VSX2: variants seen among roughly 807,000 people sequenced by gnomAD.
VSX2 encodes visual system homeobox 2.
In VSX2, 28 loss-of-function variants were observed where a neutral mutation model predicts 32.1. The ratio of observed to expected loss-of-function variants is 0.87; its 90% confidence interval spans 0.65 to 1.20. The LOEUF is 1.20. Ranked by LOEUF, VSX2 falls within the 50% of genes most tolerant of loss-of-function variation. The pLI is 0.00. For synonymous variants in VSX2, 243 were observed against 214.1 expected (o/e 1.14, Z -1.18); for missense variants, 506 against 488.7 (o/e 1.04, Z -0.33).
chr14:74,251,276 C>T (rs568514124), intron 3 of VSX2, among the ~76,000 whole-genome samples: 85 of 152,124 alleles, frequency 5.6e-4, no homozygotes, highest in Non-Finnish European at 5.3e-4. Context: ...ATGGTGAAAC[C>T]CCGTCTCTAC....
At chr14:74,240,115 G>T (rs989117861) in intron 1 of VSX2, among the ~76,000 whole-genome samples, 184 bp downstream of exon 1, 3 of 152,228 alleles carry the variant, frequency 2.0e-5, no homozygotes, top group Non-Finnish European at 4.4e-5. Context: ...TTCGGCGTCC[G>T]CAGGGTTTCG....
intron 3 of VSX2, among the ~76,000 whole-genome samples, chr14:74,250,360 C>G (rs1217653475): frequency 6.6e-6 from 1 of 151,970 alleles, no homozygotes; most frequent in Non-Finnish European, 1.5e-5. Context: ...TGAGGGGTCA[C>G]TTGTTACTAG....
chr14:74,258,902 C>T (rs1273284128), intron 3 of VSX2, among the ~76,000 whole-genome samples: 1 of 152,220 alleles, frequency 6.6e-6, no homozygotes, highest in Non-Finnish European at 1.5e-5. Context: ...ATGTTATCTT[C>T]ATCCCTGGTC....
intron 3 of VSX2, among the ~76,000 whole-genome samples, chr14:74,248,345 A>ACAAC (rs1255850484): frequency 1.4e-5 from 2 of 139,388 alleles, no homozygotes; most frequent in African/African-American, 5.2e-5. Flanking sequence ...AAAAAAAAAA[A>ACAAC]AAAAAACAAA....
chr14:74,247,935 A>G (rs1279944594), intron 3 of VSX2, among the ~76,000 whole-genome samples: 1 of 152,000 alleles, frequency 6.6e-6, no homozygotes, highest in Non-Finnish European at 1.5e-5. Context: ...TGTGTCTTTC[A>G]TTTCCTCACA....
intron 3 of VSX2, among the ~76,000 whole-genome samples, chr14:74,247,517 T>TTATTAAGTCC (rs1338648991): frequency 6.6e-6 from 1 of 152,222 alleles, no homozygotes; most frequent in Non-Finnish European, 1.5e-5. Flanking sequence ...AGATCTGATC[T>TTATTAAGTCC]TATTAAGTCC....
rs778469695 is a variant in VSX2, at chr14:74,260,874, G to T, written c.1041G>T (p.Arg347Ser). ...PEEEEAMDED[R>S]PAERLSPPQL... ...AGGAGGAGGCCATGGATGAAGACAG[G>T]CCGGCGGAGAGGCTCAGTCCACCGC... Residue 347 changes from arginine to serine, a missense_variant, in exon 5 of 5, where the codon AGG becomes AGT. Arg to Ser is a moderately radical substitution (Grantham distance 110). Transcript: ENST00000261980. 3.8e-6 allele frequency: 6 copies of T among 1,567,382 alleles called. No homozygotes were observed. The Admixed American group carries it at 1.1e-4, about 30-fold the overall frequency.
chr14:74,261,110 C>T lies in VSX2; in HGVS notation c.*191C>T, dbSNP rs2079304513. On this transcript the variant is annotated 3_prime_UTR_variant, in exon 5 of 5. Coordinates refer to ENST00000261980, the MANE Select transcript of VSX2 (RefSeq NM_182894.3). ...GACTCTGGACCATGCTGAGACATCC[C>T]TCATCTAGTCTTGACCTCTCCAGCA... 3.1e-6 allele frequency: 2 copies of T among 643,852 alleles called. No homozygotes were observed. The highest frequency in any genetic ancestry group is 5.5e-5 in the East Asian group (2 of 36,290). 39.9% of individuals were successfully genotyped at this position (643,852 alleles called of 1,614,324 possible).
chr14:74,260,481 G>T (rs1243304550), intron 4 of VSX2, 113 bp from the exon 5 acceptor site: 2 of 1,116,976 alleles, frequency 1.8e-6, no homozygotes, highest in Non-Finnish European at 2.7e-6. Context: ...GGTGTGGGGA[G>T]TAAGGCTTTC....
At chr14:74,254,360 A>G (rs10138236) in intron 3 of VSX2, among the ~76,000 whole-genome samples, 94,374 of 151,902 alleles carry the variant, frequency 0.62, 31,832 homozygotes, top group East Asian at 0.93. Flanking sequence ...GCAGTGAGCC[A>G]AGATCACGCC....
rs1281611533 is a variant in VSX2 at position 74,260,909 on chromosome 14, A to G, written c.1076A>G (p.Asp359Gly). Residue 359 changes from aspartate (D) to glycine (G), a missense_variant, in exon 5 of 5, where the codon GAC becomes GGC. By Grantham distance (94) the Asp-to-Gly change is moderately conservative. Coordinates refer to ENST00000261980, the MANE Select transcript of VSX2 (RefSeq NM_182894.3). ...AERLSPPQLE[D>G]MA ...AGGCTCAGTCCACCGCAGCTGGAGG[A>G]CATGGCTTAGGTCAAGGCGCGCTCA... 1 of 1,558,950 alleles carries G rather than the reference A, an allele frequency of 6.4e-7. No individual in the cohort carries two copies. Among genetic ancestry groups the G allele is most frequent in the Non-Finnish European group, 8.7e-7 (1 of 1,152,244 alleles).
chr14:74,253,054 A>G (rs934795582), intron 3 of VSX2, among the ~76,000 whole-genome samples: 1 of 151,278 alleles, frequency 6.6e-6, no homozygotes, highest in Non-Finnish European at 1.5e-5. Context: ...ATCTCAAAAA[A>G]AAAAAAAAAA....
At chr14:74,253,064 A>AT (rs1221730506) in intron 3 of VSX2, among the ~76,000 whole-genome samples, 2 of 151,482 alleles carry the variant, frequency 1.3e-5, no homozygotes, top group East Asian at 3.9e-4. Context: ...AAAAAAAAAA[A>AT]AAAGGAAAAG....
At chr14:74,242,879 T>C (rs1190936706) in intron 2 of VSX2, among the ~76,000 whole-genome samples, 6 of 152,160 alleles carry the variant, frequency 3.9e-5, no homozygotes, top group African/African-American at 1.4e-4. Flanking sequence ...CATTTCCGCA[T>C]CAGGACATCT....
At chr14:74,258,303 C>T (rs2079280586) in intron 3 of VSX2, among the ~76,000 whole-genome samples, 1 of 152,140 alleles carries the variant, frequency 6.6e-6, no homozygotes, top group African/African-American at 2.4e-5. Context: ...TTTCAATCAG[C>T]CCAGGGCTGC....
chr14:74,246,021 G>A (rs1416135647), intron 3 of VSX2, among the ~76,000 whole-genome samples: 2 of 152,244 alleles, frequency 1.3e-5, no homozygotes, highest in Non-Finnish European at 2.9e-5. Context: ...ACCTTGGCAA[G>A]TCCAGAGTCC....
chr14:74,246,223 G>C (rs769573595), intron 3 of VSX2, among the ~76,000 whole-genome samples: 2 of 152,228 alleles, frequency 1.3e-5, no homozygotes, highest in Non-Finnish European at 2.9e-5. Flanking sequence ...AGTTCATTGC[G>C]GAGGCTGGGG....
Position 74,239,768 on chromosome 14 carries a change from C to A in VSX2, c.207C>A (p.Ser69Arg), listed in dbSNP as rs2079136389. Residue 69 changes from serine to arginine, a missense_variant, in exon 1 of 5, where the codon AGC (serine) becomes AGA (arginine). Transcript: ENST00000261980. Reference sequence around the variant, plus strand: ...TGCTGGCGGCGCGCTCAGTGCTCAGCCCCGCGGGGGTGGGCGGCATGGGGC... The same window carrying A: ...TGCTGGCGGCGCGCTCAGTGCTCAGACCCGCGGGGGTGGGCGGCATGGGGC... Reference protein sequence around the residue: ...GHLLAARSVLSPAGVGGMGLL... With the variant: ...GHLLAARSVLRPAGVGGMGLL... 4 of 1,554,958 alleles carry A rather than the reference C, an allele frequency of 2.6e-6. No homozygotes were observed. Among genetic ancestry groups the A allele is most frequent in the Non-Finnish European group, 3.5e-6 (4 of 1,150,234 alleles).
intron 3 of VSX2, among the ~76,000 whole-genome samples, chr14:74,251,067 C>A (rs1244722087): frequency 3.3e-5 from 5 of 152,022 alleles, no homozygotes; most frequent in East Asian, 2.0e-4. Context: ...GTAATCCCAG[C>A]ACTTTGGGAG....
Sources: allele counts gnomAD v4.1 joint callset (sites outside exome capture counted in the v4.1 genomes callset), GRCh38; gene constraint gnomAD v4.1.1; transcripts MANE v1.5; gene names NCBI Gene and HGNC (gene_info 2026-07-23, HGNC 2026-07-21).